The following ADCY10 variants were observed in gnomAD, a reference collection of about 807,000 sequenced individuals.
The protein encoded by ADCY10 is adenylate cyclase type 10.
Under a neutral mutation model 183.3 loss-of-function variants are expected in ADCY10, and 156 were observed. The ratio of observed to expected loss-of-function variants is 0.85; its 90% confidence interval spans 0.75 to 0.97. The LOEUF (loss-of-function observed/expected upper bound fraction) is 0.97. Among genes scored for constraint, ADCY10 ranks in the 50% least tolerant of loss-of-function variants. ADCY10 has a pLI of 0.00. For missense variants in ADCY10, 1,745 were observed against 1,934.3 expected, an observed-to-expected ratio of 0.90 and a Z score of 1.84; for synonymous variants, 645 against 670.0, an observed-to-expected ratio of 0.96 and a Z score of 0.58.
rs368007326 is a variant in ADCY10, at chr1:167,910,466, G to A, written c.-59+3510C>T. 7.7e-4 allele frequency among the ~76,000 whole-genome samples: 118 copies of A among 152,342 alleles called. 1 individual carries two copies. In the South Asian group the frequency reaches 0.023, roughly 29 times the overall value. ...CTGAACTGTGAAAGTTGTGGGGTAA[G>A]TGGTGGACGTGGGCTAAGTGGGGGA... On this transcript the variant is annotated intron_variant, in intron 1 of 32. Coordinates refer to ENST00000367851, the MANE Select transcript of ADCY10 (RefSeq NM_018417.6).
chr1:167,914,028 C>T lies in ADCY10; in HGVS notation c.-111G>A, dbSNP rs571780464. 1.3e-5 allele frequency: 2 copies of T among 152,432 alleles called. No homozygotes were observed. The highest frequency in any genetic ancestry group is 4.8e-5 in the African/African-American group (2 of 41,570). The allele number at this position is 152,432 out of a possible 1,614,324, so 9.4% of individuals were successfully genotyped here. A position where few individuals can be genotyped will look rare whatever the true frequency, so the allele number is the denominator to read the frequency against. On this transcript the variant is annotated 5_prime_UTR_variant, in exon 1 of 33. Transcript: ENST00000367851. Reference sequence around the variant, plus strand: ...GCCAGACCTCAGTTAGGGACTAGGTCTTTTAAGACTGCAGAAGACAGGAGA... The same window carrying T: ...GCCAGACCTCAGTTAGGGACTAGGTTTTTTAAGACTGCAGAAGACAGGAGA...
chr1:167,810,215 G>A (rs1468110647), intron 32 of ADCY10, among the ~76,000 whole-genome samples: 1 of 152,194 alleles, frequency 6.6e-6, no homozygotes, highest in Non-Finnish European at 1.5e-5. Context: ...GGATGAGGGA[G>A]AGAGACCATG....
Position 167,895,148 on chromosome 1 carries a change from C to G in ADCY10, c.740-1207G>C, listed in dbSNP as rs145182496. Among the ~76,000 whole-genome samples, 337 of 149,886 alleles carry G rather than the reference C, an allele frequency of 2.2e-3. 1 individual carries two copies. The highest frequency in any genetic ancestry group is 8.0e-3 in the African/African-American group (324 of 40,520). On this transcript the variant is annotated intron_variant, in intron 7 of 32. Transcript: ENST00000367851. The stretch of plus-strand genomic sequence containing the variant: ...AGTGAGCCCATATCGCGCCAGTGCA[C>G]TCCAACCTGGTGGCAGAGTGAGACT...
chr1:167,905,233 T>A (rs1669733652), intron 1 of ADCY10, 35 bp from the exon 2 acceptor site: 4 of 1,390,018 alleles, frequency 2.9e-6, no homozygotes, highest in Non-Finnish European at 4.1e-6. Flanking sequence ...AAATCTGATA[T>A]ATTCATTTGC....
At chr1:167,820,516 T>A (rs1322332775) in intron 30 of ADCY10, 7 of 373,936 alleles carry the variant, frequency 1.9e-5, no homozygotes, top group Non-Finnish European at 1.9e-5. Context: ...AAAATAAATT[T>A]GGATGATTTC....
chr1:167,910,872 A>C (rs74120537), intron 1 of ADCY10, among the ~76,000 whole-genome samples: 1,569 of 152,302 alleles, frequency 0.01, 34 homozygotes, highest in African/African-American at 0.036. Flanking sequence ...AGACTGAGCT[A>C]ATGAAAACAG....
At chr1:167,905,758 G>C (rs1009963053) in intron 1 of ADCY10, among the ~76,000 whole-genome samples, 2 of 152,152 alleles carry the variant, frequency 1.3e-5, no homozygotes, top group Non-Finnish European at 2.9e-5. Flanking sequence ...GTGTGTGTGT[G>C]TGTGGCAGCT....
chr1:167,836,633 T>C, intron 22 of ADCY10, 93 bp from the exon 23 acceptor site: 2 of 908,718 alleles, frequency 2.2e-6, no homozygotes, highest in Non-Finnish European at 3.5e-6. Flanking sequence ...CTCACGCCTG[T>C]AATTCCAGCA....
intron 1 of ADCY10, among the ~76,000 whole-genome samples, chr1:167,910,755 T>C (rs755306811): frequency 6.6e-6 from 1 of 152,276 alleles, no homozygotes; most frequent in East Asian, 1.9e-4. Context: ...AGAACTAAGA[T>C]AGGACTGAGC....
At chr1:167,877,899 G>GGTTT (rs1667589378) in intron 12 of ADCY10, among the ~76,000 whole-genome samples, 1 of 152,130 alleles carries the variant, frequency 6.6e-6, no homozygotes, top group Non-Finnish European at 1.5e-5. Flanking sequence ...GAGGAGATGA[G>GGTTT]GTTGGAAAGG....
In ADCY10 at chr1:167,833,071, A is replaced by T. The variant is rs1663881164; in HGVS notation, c.3509T>A (p.Ile1170Asn). The change falls in exon 25 of 33, where the codon ATC becomes AAC. Residue 1170 changes from isoleucine (I) to asparagine (N), a missense_variant. Ile to Asn is a moderately radical substitution (Grantham distance 149). Transcript: ENST00000367851. ...LLNRIFPYNL[I>N]SLFLHIHVEK... Reference sequence around the variant, plus strand: ...GACATGGATATGGAGAAACAAGGAGATTAAGTTGTAAGGAAAGATTCGGTT... The same window carrying T: ...GACATGGATATGGAGAAACAAGGAGTTTAAGTTGTAAGGAAAGATTCGGTT... 4 of 1,614,138 alleles carry T rather than the reference A, an allele frequency of 2.5e-6. No homozygotes were observed. Among genetic ancestry groups the T allele is most frequent in the South Asian group, 2.2e-5 (2 of 91,088 alleles).
At chr1:167,868,271 G>A (rs866464936) in intron 14 of ADCY10, among the ~76,000 whole-genome samples, 3 of 152,254 alleles carry the variant, frequency 2.0e-5, no homozygotes, top group East Asian at 1.9e-4. Flanking sequence ...TAAGAAGCCC[G>A]AGAATTAGTG....
At chr1:167,815,338 C>A (rs149619660) in intron 31 of ADCY10, among the ~76,000 whole-genome samples, 2 of 152,090 alleles carry the variant, frequency 1.3e-5, no homozygotes, top group African/African-American at 4.8e-5. Context: ...ACAAGGTGTG[C>A]CCTCAGGAGA....
intron 31 of ADCY10, among the ~76,000 whole-genome samples, chr1:167,814,420 C>G (rs948921986): frequency 1.3e-5 from 2 of 151,092 alleles, no homozygotes; most frequent in Non-Finnish European, 3.0e-5. Flanking sequence ...ATATATATAA[C>G]AATTATAAAC....
intron 5 of ADCY10, among the ~76,000 whole-genome samples, chr1:167,900,000 T>A (rs1168890638): frequency 2.0e-5 from 3 of 152,196 alleles, no homozygotes; most frequent in Non-Finnish European, 2.9e-5. Flanking sequence ...ATTGAAGCTG[T>A]AACTAAAAAT....
Position 167,822,984 on chromosome 1 carries a change from T to C in ADCY10, c.4168+24A>G, listed in dbSNP as rs775312673. The C allele has an allele frequency of 3.3e-5, 53 of 1,607,718 alleles. No homozygotes were observed. The Middle Eastern group carries it at 4.9e-4, about 15-fold the overall frequency. ...ACAGGTATCAACACCCCCAAGTTCT[T>C]TTACATCCCAAACCCACACTTACCA... is the stretch of plus-strand genomic sequence containing the variant. On this transcript the variant is annotated intron_variant, in intron 29 of 32. Coordinates refer to ENST00000367851, the MANE Select transcript of ADCY10 (RefSeq NM_018417.6).
chr1:167,845,469 T>A (rs1664936321), intron 21 of ADCY10, 94 bp downstream of exon 21: 1 of 1,356,714 alleles, frequency 7.4e-7, no homozygotes, highest in Non-Finnish European at 1.0e-6. Context: ...CTTATGAGAC[T>A]TGAAGCCCTC....
chr1:167,880,453 G>A (rs769332981), intron 10 of ADCY10, 38 bp downstream of exon 10: 1 of 1,475,862 alleles, frequency 6.8e-7, no homozygotes, highest in Admixed American at 1.7e-5. Context: ...CCTCAAAAGG[G>A]TCAGGGACCG....
chr1:167,884,533 C>T (rs1257314157), intron 8 of ADCY10, among the ~76,000 whole-genome samples: 2 of 152,046 alleles, frequency 1.3e-5, no homozygotes, highest in African/African-American at 4.8e-5. Context: ...TTATTTTTTA[C>T]TATAGTTACC....
Sources: gnomAD v4.1 joint callset for allele counts (sites outside exome capture counted in the v4.1 genomes callset) on GRCh38, gnomAD v4.1.1 for gene constraint, MANE v1.5 for transcripts, NCBI Gene and HGNC (gene_info 2026-07-23, HGNC 2026-07-21) for gene names.